The following MVB12B variants were observed in gnomAD, a reference collection of about 807,000 sequenced individuals.
MVB12B encodes multivesicular body subunit 12B, also known as ESCRT-I complex subunit MVB12B.
In MVB12B, 16 loss-of-function variants were observed where a neutral mutation model predicts 41.6. The observed-to-expected ratio is 0.38, with a 90% CI of 0.26 to 0.58. The LOEUF is 0.58. Ranked by LOEUF, MVB12B falls within the 20% of genes least tolerant of loss-of-function variation. MVB12B has a pLI of 0.62. For missense variants in MVB12B, 274 were observed against 380.2 expected (o/e 0.72, Z 2.32); for synonymous variants, 133 against 139.7 (o/e 0.95, Z 0.34).
intron 6 of MVB12B, chr9:126,397,486 G>A (rs1473670282): frequency 2.0e-6 from 2 of 985,444 alleles, no homozygotes; most frequent in Non-Finnish European, 2.4e-6. Context: ...AAGGAAATCG[G>A]ATCAGTTTTG....
chr9:126,471,496 G>A (rs1469315215), intron 7 of MVB12B, among the ~76,000 whole-genome samples: 2 of 152,216 alleles, frequency 1.3e-5, no homozygotes, highest in African/African-American at 2.4e-5. Context: ...TGGGGATCTA[G>A]AAGGAAGTTG....
chr9:126,392,021 G>T lies in MVB12B; in HGVS notation c.410-45G>T, dbSNP rs748340889. 6.2e-7 allele frequency: 1 copy of T among 1,610,238 alleles called. No individual in the cohort carries two copies. Among genetic ancestry groups the T allele is most frequent in the South Asian group, 1.1e-5 (1 of 90,952 alleles). On this transcript the variant is annotated intron_variant, in intron 4 of 9. Coordinates refer to ENST00000361171, the MANE Select transcript of MVB12B (RefSeq NM_033446.3). The surrounding 1 kb of genome is among the most constrained non-coding windows in gnomAD (Gnocchi z 4.8). ...TGTGGTTTTCAGAATAGAGATTCTGGTATCTCTGGAAAACTCATACCTTTT... is the reference window on the plus strand; with the variant it reads ...TGTGGTTTTCAGAATAGAGATTCTGTTATCTCTGGAAAACTCATACCTTTT...
intron 9 of MVB12B, among the ~76,000 whole-genome samples, chr9:126,499,490 G>A (rs536593295): frequency 6.6e-6 from 1 of 152,306 alleles, no homozygotes; most frequent in East Asian, 1.9e-4. Flanking sequence ...TCCTTATGCA[G>A]GAGACTAATG....
At chr9:126,396,552 C>G in intron 6 of MVB12B, 1 of 985,468 alleles carries the variant, frequency 1.0e-6, no homozygotes, top group Non-Finnish European at 1.2e-6. Flanking sequence ...GTAGGTCTTC[C>G]TGGGCCATCC....
At chr9:126,456,452 C>T (rs745405570) in intron 7 of MVB12B, among the ~76,000 whole-genome samples, 12 of 152,168 alleles carry the variant, frequency 7.9e-5, no homozygotes, top group Non-Finnish European at 8.8e-5. Flanking sequence ...TTATATGTTA[C>T]ATCATTGCTA....
intron 6 of MVB12B, among the ~76,000 whole-genome samples, chr9:126,421,318 C>T (rs749379239): frequency 1.1e-4 from 16 of 152,308 alleles, no homozygotes; most frequent in Non-Finnish European, 2.1e-4. Flanking sequence ...CAGTTGAGAG[C>T]GATGTGCCAT....
intron 7 of MVB12B, among the ~76,000 whole-genome samples, chr9:126,454,244 C>T (rs982654036): frequency 1.3e-5 from 2 of 152,172 alleles, no homozygotes; most frequent in Admixed American, 6.5e-5. Flanking sequence ...AAAATGTGTT[C>T]ACCCTGCCCC....
chr9:126,424,317 A>G (rs1309588243), intron 7 of MVB12B, among the ~76,000 whole-genome samples: 2 of 152,184 alleles, frequency 1.3e-5, no homozygotes, highest in Non-Finnish European at 2.9e-5. Flanking sequence ...ATGCCTGCTA[A>G]GGGTGAGACG....
intron 2 of MVB12B, among the ~76,000 whole-genome samples, chr9:126,370,379 C>CTTT (rs375770122): frequency 6.1e-5 from 8 of 131,658 alleles, no homozygotes; most frequent in South Asian, 2.4e-4. Context: ...GGGAGGGGCT[C>CTTT]TTTTTTTTTT....
chr9:126,335,229 T>C (rs1392697518), intron 1 of MVB12B: 2 of 1,180,788 alleles, frequency 1.7e-6, no homozygotes, highest in African/African-American at 3.2e-5. Context: ...GTGATTTGAC[T>C]CTGGCTGGTC....
intron 7 of MVB12B, among the ~76,000 whole-genome samples, chr9:126,429,361 A>C (rs1382197098): frequency 1.3e-5 from 2 of 152,216 alleles, no homozygotes; most frequent in Non-Finnish European, 2.9e-5. Context: ...TGCGGCTGAC[A>C]GGTGGCCAGG....
At chr9:126,430,437 A>C (rs904573952) in intron 7 of MVB12B, among the ~76,000 whole-genome samples, 2 of 151,986 alleles carry the variant, frequency 1.3e-5, no homozygotes, top group Non-Finnish European at 2.9e-5. Flanking sequence ...CTGCCTCTCC[A>C]TCAGGCTTTT....
chr9:126,437,681 A>G (rs1832520568), intron 7 of MVB12B, among the ~76,000 whole-genome samples: 1 of 152,264 alleles, frequency 6.6e-6, no homozygotes, highest in African/African-American at 2.4e-5. Context: ...TGAAGTTAAA[A>G]TAGCGTTGAC....
intron 7 of MVB12B, among the ~76,000 whole-genome samples, chr9:126,456,812 A>G (rs1174163749): frequency 6.6e-6 from 1 of 152,116 alleles, no homozygotes; most frequent in African/African-American, 2.4e-5. Flanking sequence ...TGATCTAGTA[A>G]TTACTTCACC....
At chr9:126,484,064 G>C in intron 9 of MVB12B, 32 bp downstream of exon 9, 1 of 1,606,730 alleles carries the variant, frequency 6.2e-7, no homozygotes, top group Non-Finnish European at 8.5e-7. Context: ...GGGAGGGCAG[G>C]CCTGGGCCAT....
chr9:126,327,325 C>T (rs1032514680), intron 1 of MVB12B: 1 of 985,202 alleles, frequency 1.0e-6, no homozygotes, highest in African/African-American at 1.7e-5. Context: ...CACCTCTGCC[C>T]GCGTGAGAGG....
intron 7 of MVB12B, among the ~76,000 whole-genome samples, chr9:126,445,695 T>G (rs1356364934): frequency 6.6e-6 from 1 of 151,996 alleles, no homozygotes; most frequent in Non-Finnish European, 1.5e-5. Context: ...GGGTTCTCAC[T>G]GTGTTGGCCA....
chr9:126,366,089 T>G (rs1316637365), intron 2 of MVB12B, among the ~76,000 whole-genome samples: 1 of 152,066 alleles, frequency 6.6e-6, no homozygotes, highest in East Asian at 1.9e-4. Context: ...TGTGTCTTCC[T>G]TTCCACAAAG....
In MVB12B at chr9:126,376,243, T is replaced by TAG. The variant is rs1830477301; in HGVS notation, c.205-4821_205-4820insAG. On this transcript the variant is annotated intron_variant, in intron 2 of 9. Coordinates refer to ENST00000361171, the MANE Select transcript of MVB12B (RefSeq NM_033446.3). This position sits in a 1 kb window ranked among gnomAD's most constrained non-coding sequence, Gnocchi z 4.1. ...TTTTAAAAACGTTTTCATAATACTC[T>TAG]GTTCTTGTTTGGTATTTGCAGTCTA... Among the ~76,000 whole-genome samples the TAG allele has an allele frequency of 6.6e-6, 1 of 152,242 alleles. No homozygotes were observed. The highest frequency in any genetic ancestry group is 2.4e-5 in the African/African-American group (1 of 41,456).
Sources: gnomAD v4.1 joint callset for allele counts (sites outside exome capture counted in the v4.1 genomes callset) on GRCh38, gnomAD v4.1.1 for gene constraint, Gnocchi (gnomAD v3.1) non-coding constraint, MANE v1.5 for transcripts, NCBI Gene and HGNC (gene_info 2026-07-23, HGNC 2026-07-21) for gene names.